LRP1B: variants seen among roughly 807,000 people sequenced by gnomAD.
LRP1B encodes LDL receptor related protein 1B.
A neutral mutation model predicts 556.6 loss-of-function variants in LRP1B; 217 were observed. The ratio of observed to expected loss-of-function variants is 0.39; its 90% CI spans 0.35 to 0.44. The LOEUF is 0.44. LRP1B is among the 20% of genes least tolerant of loss of function. The pLI is 1.00. For missense variants in LRP1B, 5,053 were observed against 5,620.8 expected, an observed-to-expected ratio of 0.90 and a Z score of 3.23; for synonymous variants, 2,047 against 1,865.8, an observed-to-expected ratio of 1.10 and a Z score of -2.50.
At chr2:140,996,843 T>C (rs1697261746) in intron 15 of LRP1B, among the ~76,000 whole-genome samples, 1 of 151,956 alleles carries the variant, frequency 6.6e-6, no homozygotes, top group Non-Finnish European at 1.5e-5. Context: ...GAGTCAAAGT[T>C]CCACCTACAC....
intron 25 of LRP1B, among the ~76,000 whole-genome samples, chr2:140,874,390 CTCATA>C (rs1411023103): frequency 2.6e-5 from 4 of 152,072 alleles, no homozygotes; most frequent in African/African-American, 9.7e-5. Flanking sequence ...TCATTTTCAG[CTCATA>C]TAAGTTTTTT....
At chr2:140,829,759 AT>A (rs1691650968) in intron 31 of LRP1B, among the ~76,000 whole-genome samples, 1 of 152,068 alleles carries the variant, frequency 6.6e-6, no homozygotes, top group Admixed American at 6.5e-5. Context: ...TAGAAGAAAA[AT>A]AATGATAAGG....
intron 41 of LRP1B, among the ~76,000 whole-genome samples, chr2:140,679,446 G>A (rs2105374761): frequency 6.6e-6 from 1 of 152,228 alleles, no homozygotes; most frequent in Non-Finnish European, 1.5e-5. Context: ...TTATCATTCT[G>A]AAATTTCAAT....
intron 1 of LRP1B, among the ~76,000 whole-genome samples, chr2:141,941,235 C>T (rs906008707): frequency 6.6e-6 from 1 of 152,144 alleles, no homozygotes; most frequent in Non-Finnish European, 1.5e-5. Flanking sequence ...AATTTCACCA[C>T]AAAATACAAA....
intron 41 of LRP1B, among the ~76,000 whole-genome samples, chr2:140,691,668 T>A (rs1277803566): frequency 1.3e-5 from 2 of 152,062 alleles, no homozygotes; most frequent in Admixed American, 6.6e-5. Flanking sequence ...TCTATAAATA[T>A]AAAGAGAAAA....
intron 43 of LRP1B, among the ~76,000 whole-genome samples, chr2:140,559,952 C>T (rs545539435): frequency 6.6e-6 from 1 of 151,980 alleles, no homozygotes; most frequent in Non-Finnish European, 1.5e-5. Flanking sequence ...ATGAGGATTA[C>T]AATATTTACA....
chr2:141,764,817 T>C (rs1031916200), intron 2 of LRP1B, among the ~76,000 whole-genome samples: 1 of 152,188 alleles, frequency 6.6e-6, no homozygotes, highest in Non-Finnish European at 1.5e-5. Context: ...CACAAAATAG[T>C]GTGCATACTT....
intron 7 of LRP1B, among the ~76,000 whole-genome samples, chr2:141,177,095 C>T (rs1032629140): frequency 6.6e-5 from 10 of 151,984 alleles, no homozygotes; most frequent in Non-Finnish European, 1.2e-4. Flanking sequence ...TGTATGGCAC[C>T]ACTGAGCTGA....
At chr2:141,957,529 A>G (rs1053952839) in intron 1 of LRP1B, among the ~76,000 whole-genome samples, 3 of 151,976 alleles carry the variant, frequency 2.0e-5, no homozygotes, top group Admixed American at 6.6e-5. Context: ...TGGCCTGACA[A>G]GTAAACAATA....
At chr2:140,640,275 G>GC (rs1684235595) in intron 41 of LRP1B, among the ~76,000 whole-genome samples, 1 of 150,830 alleles carries the variant, frequency 6.6e-6, no homozygotes, top group South Asian at 2.1e-4. Flanking sequence ...ACAGGCGTGA[G>GC]CCATCGCGCC....
intron 41 of LRP1B, among the ~76,000 whole-genome samples, chr2:140,645,622 C>T (rs1379417326): frequency 2.1e-5 from 3 of 144,806 alleles, no homozygotes; most frequent in Admixed American, 7.1e-5. Flanking sequence ...TCACTGCAAG[C>T]TCCGCCTCCC....
chr2:141,673,198 C>T (rs994303845), intron 2 of LRP1B, among the ~76,000 whole-genome samples: 4 of 152,138 alleles, frequency 2.6e-5, no homozygotes, highest in Non-Finnish European at 5.9e-5. Context: ...GAGTCTCTTC[C>T]ACAATCCTGA....
In LRP1B at chr2:140,321,519, A is replaced by C. The variant is rs984945217; in HGVS notation, c.12640+444T>G. Among the ~76,000 whole-genome samples the C allele has an allele frequency of 4.6e-5, 7 of 152,012 alleles. 1 individual carries two copies. The highest frequency in any genetic ancestry group is 3.9e-4 in the Admixed American group (6 of 15,258). On this transcript the variant is annotated intron_variant, in intron 82 of 90. Transcript: ENST00000389484. The stretch of plus-strand genomic sequence containing the variant: ...TTGTAAGTCCCATTTTACAGAGAAG[A>C]AGCTAAAATTTGGTTTCTAAATTAA...
intron 83 of LRP1B, among the ~76,000 whole-genome samples, chr2:140,300,348 T>C (rs1683769484): frequency 6.6e-6 from 1 of 152,140 alleles, no homozygotes; most frequent in Non-Finnish European, 1.5e-5. Flanking sequence ...TAATGGGCCC[T>C]ATTTGCTGTT....
intron 1 of LRP1B, among the ~76,000 whole-genome samples, chr2:141,881,492 G>C (rs1698956228): frequency 6.6e-6 from 1 of 152,060 alleles, no homozygotes; most frequent in Non-Finnish European, 1.5e-5. Context: ...GTGAATGTTT[G>C]CCTCTGGGGA....
At chr2:142,005,328 G>A (rs1429904301) in intron 1 of LRP1B, among the ~76,000 whole-genome samples, 1 of 151,960 alleles carries the variant, frequency 6.6e-6, no homozygotes, top group Non-Finnish European at 1.5e-5. Context: ...ACTGACACTA[G>A]CAACAGCTTC....
intron 14 of LRP1B, among the ~76,000 whole-genome samples, chr2:141,009,516 G>C (rs1298723922): frequency 6.6e-6 from 1 of 151,772 alleles, no homozygotes; most frequent in Admixed American, 6.6e-5. Context: ...TTGTTTTGGC[G>C]GGGAGGTTTG....
chr2:141,827,219 T>C (rs1696964203), intron 1 of LRP1B, among the ~76,000 whole-genome samples: 1 of 152,366 alleles, frequency 6.6e-6, no homozygotes, highest in East Asian at 1.9e-4. Flanking sequence ...AGACAGAAGT[T>C]CTTTTGTTGA....
intron 1 of LRP1B, among the ~76,000 whole-genome samples, chr2:141,900,944 C>A (rs1044498901): frequency 2.0e-5 from 3 of 151,852 alleles, no homozygotes; most frequent in Admixed American, 6.6e-5. Context: ...GAGAAGGGAG[C>A]GGACTTGCAG....
Sources: allele counts gnomAD v4.1 joint callset (sites outside exome capture counted in the v4.1 genomes callset), GRCh38; gene constraint gnomAD v4.1.1; transcripts MANE v1.5; gene names NCBI Gene and HGNC (gene_info 2026-07-23, HGNC 2026-07-21).